The following PRKD1 variants were observed in gnomAD, a reference collection of about 807,000 sequenced individuals.
The protein encoded by PRKD1 is serine/threonine-protein kinase D1.
In PRKD1, 63 loss-of-function variants were observed where a neutral mutation model predicts 95.9. The observed-to-expected ratio is 0.66, with a 90% confidence interval of 0.54 to 0.81. The LOEUF is 0.81. PRKD1 is among the 30% of genes least tolerant of loss of function. PRKD1 has a pLI of 0.00. For synonymous variants in PRKD1, 425 were observed against 423.1 expected, an observed-to-expected ratio of 1.00 and a Z score of -0.05; for missense variants, 1,048 against 1,165.3, an observed-to-expected ratio of 0.90 and a Z score of 1.47.
intron 1 of PRKD1, among the ~76,000 whole-genome samples, chr14:29,821,842 A>G (rs150336291): frequency 6.6e-6 from 1 of 152,248 alleles, no homozygotes; most frequent in East Asian, 1.9e-4. Flanking sequence ...CTGCAGATGC[A>G]CAGCTGAGAC....
intron 13 of PRKD1, 61 bp from the exon 14 acceptor site, chr14:29,599,878 C>T (rs780405511): frequency 8.8e-6 from 13 of 1,476,404 alleles, no homozygotes; most frequent in Admixed American, 1.9e-5. Context: ...TTGGCAAGCT[C>T]GCTGATTATA....
chr14:29,718,322 C>T (rs1215986073), intron 2 of PRKD1, among the ~76,000 whole-genome samples: 1 of 152,118 alleles, frequency 6.6e-6, no homozygotes, highest in Non-Finnish European at 1.5e-5. Flanking sequence ...TGAGCTCTCA[C>T]AGGCACTTCT....
intron 17 of PRKD1, 80 bp downstream of exon 17, chr14:29,578,195 G>A: frequency 8.9e-7 from 1 of 1,121,674 alleles, no homozygotes; most frequent in Non-Finnish European, 1.3e-6. Flanking sequence ...AAAAATTATT[G>A]CAAAAGATTT....
rs898089883 is a variant in PRKD1 at position 29,895,987 on chromosome 14, C to A, written c.264+31262G>T. Among the ~76,000 whole-genome samples the A allele has an allele frequency of 2.6e-5, 4 of 152,242 alleles. No homozygotes were observed. In the East Asian group the frequency reaches 7.7e-4, roughly 29 times the overall value. On this transcript the variant is annotated intron_variant, in intron 1 of 17. Transcript: ENST00000331968. ...TTACTTTTCATTGTTTATCTCTATC[C>A]ACTAGAATGTAGCTTCAAGAGAGCA...
rs2138995037 is a variant in PRKD1, at chr14:29,593,672, G to A, written c.2434+3819C>T. Among the ~76,000 whole-genome samples the A allele has an allele frequency of 1.3e-5, 2 of 152,318 alleles. 1 individual carries two copies. Among genetic ancestry groups the A allele is most frequent in the Middle Eastern group, 6.8e-3 (2 of 294 alleles). Reference sequence around the variant, plus strand: ...TTAAAGTAAAGCAGAGCTGAGAGATGGCGAAACAATAACACTTGAGCTTTA... The same window carrying A: ...TTAAAGTAAAGCAGAGCTGAGAGATAGCGAAACAATAACACTTGAGCTTTA... On this transcript the variant is annotated intron_variant, in intron 16 of 17. Coordinates refer to ENST00000331968, the MANE Select transcript of PRKD1 (RefSeq NM_002742.3).
intron 4 of PRKD1, among the ~76,000 whole-genome samples, chr14:29,659,655 G>A (rs539169225): frequency 3.9e-5 from 6 of 152,238 alleles, no homozygotes; most frequent in Non-Finnish European, 1.5e-5. Context: ...TTCTTTCAAT[G>A]ACAGACATTC....
intron 1 of PRKD1, among the ~76,000 whole-genome samples, chr14:29,753,801 C>T (rs574823112): frequency 1.3e-5 from 2 of 152,154 alleles, no homozygotes; most frequent in Non-Finnish European, 2.9e-5. Context: ...ATATCATATG[C>T]CTTGATGTCT....
intron 1 of PRKD1, among the ~76,000 whole-genome samples, chr14:29,745,837 G>A (rs970898215): frequency 3.9e-5 from 6 of 152,066 alleles, no homozygotes; most frequent in Admixed American, 6.6e-5. Flanking sequence ...TTTATCAATG[G>A]AGGGTTCAGG....
intron 1 of PRKD1, among the ~76,000 whole-genome samples, chr14:29,839,480 C>T (rs897304733): frequency 2.6e-5 from 4 of 152,136 alleles, no homozygotes; most frequent in Non-Finnish European, 5.9e-5. Flanking sequence ...CAATACTCTC[C>T]GGGGTGCACG....
At chr14:29,734,947 G>A (rs146508424) in intron 1 of PRKD1, among the ~76,000 whole-genome samples, 39 of 152,244 alleles carry the variant, frequency 2.6e-4, no homozygotes, top group African/African-American at 7.5e-4. Context: ...TGCTAGGCAG[G>A]AAGCTCAGGT....
intron 11 of PRKD1, among the ~76,000 whole-genome samples, chr14:29,627,592 T>C (rs148956094): frequency 6.6e-6 from 1 of 152,338 alleles, no homozygotes; most frequent in East Asian, 1.9e-4. Flanking sequence ...ATATTCCTAT[T>C]ACATCCTATC....
At chr14:29,612,610 C>A (rs1244850681) in intron 13 of PRKD1, among the ~76,000 whole-genome samples, 2 of 152,058 alleles carry the variant, frequency 1.3e-5, no homozygotes, top group African/African-American at 4.8e-5. Context: ...TAACTTTTTA[C>A]GATGATTTAA....
intron 4 of PRKD1, among the ~76,000 whole-genome samples, chr14:29,659,447 G>A (rs960572916): frequency 6.6e-6 from 1 of 151,914 alleles, no homozygotes; most frequent in Non-Finnish European, 1.5e-5. Flanking sequence ...ATATCCTTCT[G>A]GGCATGACTC....
chr14:29,778,127 T>C (rs141739909), intron 1 of PRKD1, among the ~76,000 whole-genome samples: 1,686 of 152,298 alleles, frequency 0.011, 31 homozygotes, highest in African/African-American at 0.038. Context: ...CCAGACTCTC[T>C]GGGACACATT....
chr14:29,591,819 T>C (rs1470587876), intron 16 of PRKD1, among the ~76,000 whole-genome samples: 3 of 152,174 alleles, frequency 2.0e-5, no homozygotes, highest in Non-Finnish European at 4.4e-5. Context: ...CTGGGGTTTT[T>C]AGCACTGTCT....
At position 29,697,404 on chromosome 14, in the gene PRKD1, C is replaced by T. The variant is rs183145522; in HGVS notation, c.403+28132G>A. 3.9e-5 allele frequency among the ~76,000 whole-genome samples: 6 copies of T among 152,262 alleles called. No homozygotes were observed. In the East Asian group the frequency reaches 1.2e-3, roughly 29 times the overall value. The stretch of plus-strand genomic sequence containing the variant: ...AACGTTTCTATAGCATAAATGAATA[C>T]ATGTACACAAGATTAAACATTTAAT... On this transcript the variant is annotated intron_variant, in intron 2 of 17. Transcript: ENST00000331968.
At chr14:29,760,981 C>T (rs1310870277) in intron 1 of PRKD1, among the ~76,000 whole-genome samples, 1 of 152,050 alleles carries the variant, frequency 6.6e-6, no homozygotes, top group Non-Finnish European at 1.5e-5. Context: ...CTTGCTCTGT[C>T]ACCCAGGCTG....
chr14:29,654,235 G>C (rs903598079), intron 4 of PRKD1, among the ~76,000 whole-genome samples: 3 of 152,042 alleles, frequency 2.0e-5, no homozygotes, highest in African/African-American at 7.2e-5. Flanking sequence ...GCAGTGGCAT[G>C]ATCTTGGCCC....
chr14:29,920,626 A>ACACACACACACACAC (rs3067300), intron 1 of PRKD1, among the ~76,000 whole-genome samples: 1 of 151,088 alleles, frequency 6.6e-6, no homozygotes, highest in African/African-American at 2.4e-5. Flanking sequence ...ACACACACAC[A>ACACACACACACACAC]AAGTTTCATA....
Sources: allele counts gnomAD v4.1 joint callset (sites outside exome capture counted in the v4.1 genomes callset), GRCh38; gene constraint gnomAD v4.1.1; transcripts MANE v1.5; gene names NCBI Gene and HGNC (gene_info 2026-07-23, HGNC 2026-07-21).